C8orf34: variants seen among roughly 807,000 people sequenced by gnomAD.
The protein encoded by C8orf34 is chromosome 8 open reading frame 34, also known as uncharacterized protein C8orf34.
Under a neutral mutation model 68.3 loss-of-function variants are expected in C8orf34, and 65 were observed. The observed-to-expected ratio is 0.95, with a 90% CI of 0.78 to 1.17. The LOEUF (loss-of-function observed/expected upper bound fraction) is 1.17, where lower values mean the gene tolerates loss of function less well. Ranked by LOEUF, C8orf34 falls within the 50% of genes most tolerant of loss-of-function variation. The probability of loss-of-function intolerance (pLI) is 0.00; values close to 1 mark genes in which losing one functional copy is unlikely to be tolerated. For missense variants in C8orf34, 664 were observed against 655.4 expected, an observed-to-expected ratio of 1.01 and a Z score of -0.14; for synonymous variants, 244 against 241.2, an observed-to-expected ratio of 1.01 and a Z score of -0.11.
intron 6 of C8orf34, among the ~76,000 whole-genome samples, chr8:68,524,775 C>CATT (rs1814906516): frequency 6.6e-6 from 1 of 152,100 alleles, no homozygotes; most frequent in Admixed American, 6.5e-5. Context: ...TTTAATAAGC[C>CATT]TATATACTCT....
At chr8:68,638,283 G>A (rs1446529679) in intron 7 of C8orf34, among the ~76,000 whole-genome samples, 1 of 151,530 alleles carries the variant, frequency 6.6e-6, no homozygotes, top group Admixed American at 6.6e-5. Context: ...AAAAATGCCA[G>A]AGATTATCTG....
chr8:68,476,625 T>C lies in C8orf34; in HGVS notation c.736+7805T>C, dbSNP rs117323862. Reference sequence around the variant, plus strand: ...AAAGGGCGAGTTGGGTTTTATGCCCTACAGGGTCTGTATTACAAAGATGTC... The same window carrying C: ...AAAGGGCGAGTTGGGTTTTATGCCCCACAGGGTCTGTATTACAAAGATGTC... On this transcript the variant is annotated intron_variant, in intron 4 of 13. Coordinates refer to ENST00000518698, the MANE Select transcript of C8orf34 (RefSeq NM_052958.4). Among the ~76,000 whole-genome samples, 169 of 152,308 alleles carry C rather than the reference T, an allele frequency of 1.1e-3. 2 individuals are homozygous for C. The East Asian group carries it at 0.03, about 27-fold the overall frequency.
intron 7 of C8orf34, among the ~76,000 whole-genome samples, chr8:68,554,658 T>G (rs1563527070): frequency 6.6e-6 from 1 of 152,140 alleles, no homozygotes; most frequent in African/African-American, 2.4e-5. Flanking sequence ...ATATGCATTA[T>G]CACATTTAAT....
At chr8:68,629,731 G>T (rs973265083) in intron 7 of C8orf34, among the ~76,000 whole-genome samples, 1 of 151,966 alleles carries the variant, frequency 6.6e-6, no homozygotes, top group Non-Finnish European at 1.5e-5. Context: ...AAAAGAAAAA[G>T]ATATTTTAAA....
At chr8:68,602,361 TCA>T (rs1170382878) in intron 7 of C8orf34, among the ~76,000 whole-genome samples, 2 of 152,122 alleles carry the variant, frequency 1.3e-5, no homozygotes, top group African/African-American at 4.8e-5. Flanking sequence ...TTTAATTGAT[TCA>T]CAGTTTTACA....
rs1383458363 is a variant in C8orf34, at chr8:68,764,438, C to CT, written c.1405-11961_1405-11960insT. ...ACAATGTAGGAGAGAGCACTTCTAC[C>CT]AGTGCAGTCAGTGGGCAGGTTTTCT... On this transcript the variant is annotated intron_variant, in intron 10 of 13. Coordinates refer to ENST00000518698, the MANE Select transcript of C8orf34 (RefSeq NM_052958.4). 1.2e-4 allele frequency among the ~76,000 whole-genome samples: 18 copies of CT among 152,222 alleles called. No homozygotes were observed. The East Asian group carries it at 3.5e-3, about 29-fold the overall frequency.
chr8:68,601,582 C>G (rs1319908700), intron 7 of C8orf34, among the ~76,000 whole-genome samples: 2 of 152,100 alleles, frequency 1.3e-5, no homozygotes, highest in Non-Finnish European at 2.9e-5. Context: ...GCTTGAGTCT[C>G]TTTTGACTAC....
chr8:68,719,658 T>C (rs898542505), intron 9 of C8orf34, among the ~76,000 whole-genome samples: 5 of 151,914 alleles, frequency 3.3e-5, no homozygotes, highest in African/African-American at 4.8e-5. Context: ...ATGACATCTA[T>C]TAAAAACCAT....
chr8:68,414,630 C>G (rs1809586767), intron 1 of C8orf34, among the ~76,000 whole-genome samples: 1 of 152,110 alleles, frequency 6.6e-6, no homozygotes, highest in Non-Finnish European at 1.5e-5. Context: ...CTCAAGAACT[C>G]CTCAGAGAAC....
chr8:68,660,603 C>T (rs2130807523), intron 8 of C8orf34, among the ~76,000 whole-genome samples: 1 of 152,312 alleles, frequency 6.6e-6, no homozygotes, highest in East Asian at 1.9e-4. Context: ...CTCACCTGTG[C>T]TGTGCCCCTT....
intron 1 of C8orf34, among the ~76,000 whole-genome samples, chr8:68,352,924 A>G (rs1447679636): frequency 6.6e-6 from 1 of 152,142 alleles, no homozygotes; most frequent in Non-Finnish European, 1.5e-5. Context: ...ATATCCATAT[A>G]CTCAATGCCT....
rs963601501 is a variant in C8orf34 at position 68,390,649 on chromosome 8, A to G, written c.328-48850A>G. 1.1e-4 allele frequency among the ~76,000 whole-genome samples: 17 copies of G among 152,240 alleles called. 1 individual carries two copies. The East Asian group carries it at 3.1e-3, about 28-fold the overall frequency. ...TACATTCCCCAGGCATGGGTTTTGGAACACAGGGGATCTGACTGTGGAATC... is the reference window on the plus strand; with the variant it reads ...TACATTCCCCAGGCATGGGTTTTGGGACACAGGGGATCTGACTGTGGAATC... On this transcript the variant is annotated intron_variant, in intron 1 of 13. Transcript: ENST00000518698.
chr8:68,707,785 A>G (rs1388047436), intron 8 of C8orf34, among the ~76,000 whole-genome samples: 2 of 152,110 alleles, frequency 1.3e-5, no homozygotes, highest in East Asian at 3.9e-4. Flanking sequence ...GTTGGAGCTC[A>G]TTGTGAATTT....
At chr8:68,783,161 T>C (rs1178105767) in intron 11 of C8orf34, among the ~76,000 whole-genome samples, 1 of 152,016 alleles carries the variant, frequency 6.6e-6, no homozygotes, top group Non-Finnish European at 1.5e-5. Context: ...CCAAAATTAC[T>C]AACCTAAAGG....
At chr8:68,668,902 C>A (rs1382174785) in intron 8 of C8orf34, among the ~76,000 whole-genome samples, 1 of 152,106 alleles carries the variant, frequency 6.6e-6, no homozygotes, top group Non-Finnish European at 1.5e-5. Flanking sequence ...TGGATTCAAC[C>A]AATACCTCCA....
At chr8:68,680,400 G>T (rs1243781180) in intron 8 of C8orf34, among the ~76,000 whole-genome samples, 1 of 152,168 alleles carries the variant, frequency 6.6e-6, no homozygotes, top group African/African-American at 2.4e-5. Flanking sequence ...AGCCAGCTGA[G>T]AAATAAAGAG....
chr8:68,466,303 C>G (rs1341144534), intron 3 of C8orf34, among the ~76,000 whole-genome samples: 1 of 151,912 alleles, frequency 6.6e-6, no homozygotes, highest in African/African-American at 2.4e-5. Flanking sequence ...AAGGAATAAA[C>G]TCAATGTTTG....
At chr8:68,359,479 G>C (rs1425072788) in intron 1 of C8orf34, among the ~76,000 whole-genome samples, 1 of 152,190 alleles carries the variant, frequency 6.6e-6, no homozygotes, top group East Asian at 1.9e-4. Context: ...CAGAGGGTGA[G>C]AGAAGAACCC....
chr8:68,465,280 T>A (rs1456232797), intron 3 of C8orf34, among the ~76,000 whole-genome samples: 1 of 151,058 alleles, frequency 6.6e-6, no homozygotes, highest in Admixed American at 6.6e-5. Context: ...AGAATGGCAA[T>A]CATTAAAAAG....
Sources: allele counts gnomAD v4.1 joint callset (sites outside exome capture counted in the v4.1 genomes callset), GRCh38; gene constraint gnomAD v4.1.1; transcripts MANE v1.5; gene names NCBI Gene and HGNC (gene_info 2026-07-23, HGNC 2026-07-21).